ELP4: variants seen among roughly 807,000 people sequenced by gnomAD.
ELP4 encodes the protein elongator acetyltransferase complex subunit 4.
In ELP4, 51 loss-of-function variants were observed where a neutral mutation model predicts 48.9. The ratio of observed to expected loss-of-function variants is 1.04; its 90% CI spans 0.83 to 1.32. The LOEUF (loss-of-function observed/expected upper bound fraction) is 1.32. Ranked by LOEUF, ELP4 falls within the 40% of genes most tolerant of loss-of-function variation. ELP4 has a pLI of 0.00. For missense variants in ELP4, 519 were observed against 514.6 expected (o/e 1.01, Z -0.08); for synonymous variants, 210 against 189.2 (o/e 1.11, Z -0.90).
chr11:31,768,890 A>C (rs907030765), intron 9 of ELP4, among the ~76,000 whole-genome samples: 1 of 152,172 alleles, frequency 6.6e-6, no homozygotes, highest in Non-Finnish European at 1.5e-5. Context: ...ACGAAAGAGG[A>C]CTAAATAACA....
chr11:31,576,838 A>C (rs1957289787), intron 3 of ELP4, among the ~76,000 whole-genome samples: 1 of 152,214 alleles, frequency 6.6e-6, no homozygotes, highest in Admixed American at 6.5e-5. Flanking sequence ...AAGAGAAAGA[A>C]GGAAAGACCA....
At chr11:31,750,640 G>T (rs896782988) in intron 9 of ELP4, among the ~76,000 whole-genome samples, 20 of 151,546 alleles carry the variant, frequency 1.3e-4, no homozygotes, top group African/African-American at 4.4e-4. Flanking sequence ...ATTGTTTTTG[G>T]TTTTTTTTAC....
Position 31,542,421 on chromosome 11 carries a change from G to A in ELP4, c.381+2638G>A, listed in dbSNP as rs7120710. On this transcript the variant is annotated intron_variant, in intron 3 of 9. Transcript: ENST00000640961. The stretch of plus-strand genomic sequence containing the variant: ...TGAGTGCTCACCTGTACTTGTACAC[G>A]AGGAGATGGCCTGAGGCTAGAGAAA... Among the ~76,000 whole-genome samples, 617 of 152,312 alleles carry A rather than the reference G, an allele frequency of 4.1e-3. 1 individual carries two copies. Among genetic ancestry groups the A allele is most frequent in the Middle Eastern group, 0.017 (5 of 294 alleles).
At chr11:31,766,236 AAAG>A (rs1948037202) in intron 9 of ELP4, among the ~76,000 whole-genome samples, 1 of 152,150 alleles carries the variant, frequency 6.6e-6, no homozygotes, top group Non-Finnish European at 1.5e-5. Context: ...TCTGAATAAA[AAAG>A]AAAACAATAA....
intron 7 of ELP4, among the ~76,000 whole-genome samples, chr11:31,642,674 T>C (rs1342848883): frequency 6.6e-6 from 1 of 151,856 alleles, no homozygotes; most frequent in Non-Finnish European, 1.5e-5. Context: ...GACTTGAAGT[T>C]CCGTGTTAAA....
intron 3 of ELP4, among the ~76,000 whole-genome samples, chr11:31,585,914 G>C (rs931888329): frequency 6.6e-6 from 1 of 151,996 alleles, no homozygotes; most frequent in Admixed American, 6.5e-5. Context: ...GCAACACCCT[G>C]TCTCTACAAA....
chr11:31,674,688 A>C (rs977733322), intron 9 of ELP4, among the ~76,000 whole-genome samples: 1 of 152,222 alleles, frequency 6.6e-6, no homozygotes, highest in Admixed American at 6.5e-5. Context: ...GTAAATGGAG[A>C]TAAAAGCCTC....
intron 3 of ELP4, among the ~76,000 whole-genome samples, chr11:31,593,599 G>A (rs552276440): frequency 1.3e-5 from 2 of 152,206 alleles, no homozygotes; most frequent in African/African-American, 4.8e-5. Context: ...GACATAGAGA[G>A]GTCCTGTGGT....
At chr11:31,592,259 A>G (rs1456773906) in intron 3 of ELP4, among the ~76,000 whole-genome samples, 1 of 152,130 alleles carries the variant, frequency 6.6e-6, no homozygotes, top group South Asian at 2.1e-4. Context: ...AAAAATATAT[A>G]AAGAGTTGGG....
chr11:31,745,271 C>T (rs987455786), intron 9 of ELP4, among the ~76,000 whole-genome samples: 5 of 151,954 alleles, frequency 3.3e-5, no homozygotes, highest in African/African-American at 1.2e-4. Flanking sequence ...ACATTCCATG[C>T]TCATGGGTAG....
chr11:31,568,206 G>A (rs933740397), intron 3 of ELP4, among the ~76,000 whole-genome samples: 3 of 152,084 alleles, frequency 2.0e-5, no homozygotes, highest in Non-Finnish European at 4.4e-5. Context: ...ATTCACAATA[G>A]CCACAAAAAG....
intron 9 of ELP4, among the ~76,000 whole-genome samples, chr11:31,738,365 TTA>T (rs1947368715): frequency 6.6e-6 from 1 of 151,636 alleles, no homozygotes; most frequent in Non-Finnish European, 1.5e-5. Flanking sequence ...TGAGCTGTGA[TTA>T]CACCACTGTA....
Position 31,783,476 on chromosome 11 carries a change from C to T in ELP4, c.1227C>T (p.Gly409=), listed in dbSNP as rs1302064242. ...MDLAESAKRL[G]PGCGMMAGGK... is the part of the protein sequence containing the mutation. Reference sequence around the variant, plus strand: ...TGGCAGAATCCGCCAAGCGGCTGGGCCCAGGCTGTGGCATGATGGCCGGAG... The same window carrying T: ...TGGCAGAATCCGCCAAGCGGCTGGGTCCAGGCTGTGGCATGATGGCCGGAG... Residue 409 remains glycine (G), a synonymous_variant, in exon 10 of 10, where the codon GGC becomes GGT. Coordinates refer to ENST00000640961, the MANE Select transcript of ELP4 (RefSeq NM_019040.5). 1 of 1,614,102 alleles carries T rather than the reference C, an allele frequency of 6.2e-7. No individual in the cohort carries two copies. The highest frequency in any genetic ancestry group is 1.1e-5 in the South Asian group (1 of 91,082).
chr11:31,726,057 T>G (rs1164301413), intron 9 of ELP4, among the ~76,000 whole-genome samples: 1 of 152,088 alleles, frequency 6.6e-6, no homozygotes. Context: ...TTTGGCAAAA[T>G]GAATAGGATT....
chr11:31,536,872 CT>C (rs1434735591), intron 2 of ELP4, among the ~76,000 whole-genome samples: 5 of 152,154 alleles, frequency 3.3e-5, no homozygotes, highest in Admixed American at 3.3e-4. Context: ...AAAATATATT[CT>C]GGATACCAGT....
chr11:31,538,150 T>C (rs1369558008), intron 2 of ELP4, among the ~76,000 whole-genome samples: 1 of 151,496 alleles, frequency 6.6e-6, no homozygotes, highest in Non-Finnish European at 1.5e-5. Flanking sequence ...GTTACTATTA[T>C]GTAGAAGTAC....
chr11:31,582,682 T>A (rs1199478446), intron 3 of ELP4, among the ~76,000 whole-genome samples: 1 of 152,186 alleles, frequency 6.6e-6, no homozygotes, highest in Non-Finnish European at 1.5e-5. Context: ...AAAAACTAAT[T>A]GTAAGTGCTG....
At chr11:31,518,632 C>T (rs1407056385) in intron 1 of ELP4, among the ~76,000 whole-genome samples, 2 of 151,186 alleles carry the variant, frequency 1.3e-5, no homozygotes, top group African/African-American at 2.4e-5. Flanking sequence ...CACGGTGGCT[C>T]ACACCTGTAA....
At chr11:31,552,593 A>G (rs190008527) in intron 3 of ELP4, among the ~76,000 whole-genome samples, 4 of 152,158 alleles carry the variant, frequency 2.6e-5, no homozygotes, top group African/African-American at 7.2e-5. Context: ...TTAACCCTTT[A>G]TCTCCTATAC....
Sources: allele counts gnomAD v4.1 joint callset (sites outside exome capture counted in the v4.1 genomes callset), GRCh38; gene constraint gnomAD v4.1.1; transcripts MANE v1.5; gene names NCBI Gene and HGNC (gene_info 2026-07-23, HGNC 2026-07-21).